Variants in RNF220 observed in about 807,000 individuals in gnomAD.
The protein encoded by RNF220 is ring finger protein 220, also known as E3 ubiquitin-protein ligase RNF220.
In RNF220, 7 loss-of-function variants were observed where a neutral mutation model predicts 67.1. That is an observed-to-expected ratio of 0.10 (90% CI 0.06 to 0.20). RNF220 has a LOEUF of 0.20. Among genes scored for constraint, RNF220 ranks in the 10% least tolerant of loss-of-function variants. RNF220 has a pLI of 1.00. For synonymous variants in RNF220, 270 were observed against 283.2 expected, an observed-to-expected ratio of 0.95 and a Z score of 0.47; for missense variants, 565 against 740.3, an observed-to-expected ratio of 0.76 and a Z score of 2.75.
intron 2 of RNF220, among the ~76,000 whole-genome samples, chr1:44,588,389 G>A (rs1665862123): frequency 1.3e-5 from 2 of 152,226 alleles, no homozygotes; most frequent in South Asian, 4.1e-4. Context: ...CTGCTCTTCA[G>A]GCCTTTCCCT....
chr1:44,534,096 A>T (rs1661027773), intron 2 of RNF220, among the ~76,000 whole-genome samples: 1 of 152,116 alleles, frequency 6.6e-6, no homozygotes, highest in African/African-American at 2.4e-5. Flanking sequence ...TGCCTTAGCC[A>T]ACTGAGTAGC....
chr1:44,492,820 C>G (rs1656969878), intron 2 of RNF220, among the ~76,000 whole-genome samples: 1 of 152,036 alleles, frequency 6.6e-6, no homozygotes, highest in South Asian at 2.1e-4. Context: ...GATGAAAATG[C>G]TCTAAAAGCC....
chr1:44,596,560 C>CA (rs112026468), intron 2 of RNF220, among the ~76,000 whole-genome samples: 5,392 of 132,022 alleles, frequency 0.041, 317 homozygotes, highest in African/African-American at 0.14. Flanking sequence ...ATTCTGTCTC[C>CA]AAAAAAAAAA....
chr1:44,579,363 T>C (rs1665070003), intron 2 of RNF220, among the ~76,000 whole-genome samples: 1 of 152,088 alleles, frequency 6.6e-6, no homozygotes, highest in Non-Finnish European at 1.5e-5. Flanking sequence ...CAGGGAGGCT[T>C]GATGGAAATC....
chr1:44,507,314 G>A lies in RNF220; in HGVS notation c.625+94592G>A, dbSNP rs556012574. On this transcript the variant is annotated intron_variant, in intron 2 of 14. Transcript: ENST00000361799. ...CAAAGTCCAAGCAAGTTGATATCCA[G>A]TGGCTTTAAGCTACAGGAGGCTGAG... Among the ~76,000 whole-genome samples, 4 of 152,252 alleles carry A rather than the reference G, an allele frequency of 2.6e-5. No homozygotes were observed. The South Asian group carries it at 6.2e-4, about 24-fold the overall frequency.
chr1:44,650,911 C>T lies in RNF220; in HGVS notation c.*136C>T, dbSNP rs544062741. ...ACATGCACATACTCAAACATGCGTA[C>T]ACACACACACATTTACACACGCAGG... On this transcript the variant is annotated 3_prime_UTR_variant, in exon 15 of 15. Coordinates refer to ENST00000361799, the MANE Select transcript of RNF220 (RefSeq NM_018150.4). This position sits in a 1 kb window ranked among gnomAD's most constrained non-coding sequence, Gnocchi z 4.3. 4.4e-6 allele frequency: 3 copies of T among 684,960 alleles called. No individual in the cohort carries two copies. The highest frequency in any genetic ancestry group is 1.6e-5 in the South Asian group (1 of 63,052). The allele number at this position is 684,960 out of a possible 1,614,324, so 42.4% of individuals were successfully genotyped here. A position where few individuals can be genotyped will look rare whatever the true frequency, so the allele number is the denominator to read the frequency against.
intron 2 of RNF220, among the ~76,000 whole-genome samples, chr1:44,572,056 G>C (rs1664481391): frequency 6.6e-6 from 1 of 152,218 alleles, no homozygotes; most frequent in South Asian, 2.1e-4. Flanking sequence ...TGGTCTCCCT[G>C]CCTCCGGTCC....
chr1:44,485,066 G>A (rs1348163147), intron 2 of RNF220, among the ~76,000 whole-genome samples: 1 of 152,194 alleles, frequency 6.6e-6, no homozygotes, highest in African/African-American at 2.4e-5. Context: ...AACCCGGGAG[G>A]CGGAGGTTAC....
chr1:44,457,530 T>C (rs540310679), intron 2 of RNF220, among the ~76,000 whole-genome samples: 1 of 150,570 alleles, frequency 6.6e-6, no homozygotes, highest in South Asian at 2.1e-4. Flanking sequence ...AATAAGATGG[T>C]AAAGGTAGGC....
chr1:44,513,465 A>G (rs1191553726), intron 2 of RNF220, among the ~76,000 whole-genome samples: 2 of 148,862 alleles, frequency 1.3e-5, no homozygotes, highest in Non-Finnish European at 3.0e-5. Flanking sequence ...CAGGGGCCAA[A>G]TAAAGGCCCT....
chr1:44,636,995 T>C (rs866820151), intron 8 of RNF220, among the ~76,000 whole-genome samples: 1 of 152,258 alleles, frequency 6.6e-6, no homozygotes, highest in East Asian at 1.9e-4. Flanking sequence ...CTTCTCTCTT[T>C]CTGTGCACAA....
intron 2 of RNF220, among the ~76,000 whole-genome samples, chr1:44,422,442 T>C (rs970513858): frequency 6.6e-6 from 1 of 152,220 alleles, no homozygotes; most frequent in African/African-American, 2.4e-5. Context: ...CAAGGCTGAT[T>C]TACGGGGAAA....
intron 6 of RNF220, chr1:44,632,633 A>G (rs1644195775): frequency 8.6e-6 from 5 of 583,948 alleles, no homozygotes; most frequent in South Asian, 4.1e-5. Context: ...TGGGGGGGCA[A>G]TAAGTGCCGG....
chr1:44,461,924 GT>G (rs201661366), intron 2 of RNF220, among the ~76,000 whole-genome samples: 198 of 123,550 alleles, frequency 1.6e-3, no homozygotes, highest in Admixed American at 2.2e-3. Flanking sequence ...TTTTTTCTTT[GT>G]TTTTTTTTTT....
intron 2 of RNF220, among the ~76,000 whole-genome samples, chr1:44,543,125 A>G (rs1322908947): frequency 6.6e-6 from 1 of 151,340 alleles, no homozygotes; most frequent in Non-Finnish European, 1.5e-5. Context: ...CAGCCTCAGC[A>G]CAGTGAGCTT....
intron 2 of RNF220, among the ~76,000 whole-genome samples, chr1:44,558,391 A>C (rs2148281374): frequency 7.2e-6 from 1 of 138,480 alleles, no homozygotes; most frequent in South Asian, 2.5e-4. Flanking sequence ...AATCTTTTCC[A>C]CTGCTCCCTG....
chr1:44,422,444 A>T lies in RNF220; in HGVS notation c.625+9722A>T, dbSNP rs1437761720. On this transcript the variant is annotated intron_variant, in intron 2 of 14. Transcript: ENST00000361799. Reference sequence around the variant, plus strand: ...ACTGAGCAGCAGTCAAGGCTGATTTACGGGGAAAAGAACCCAGACATGGGT... The same window carrying T: ...ACTGAGCAGCAGTCAAGGCTGATTTTCGGGGAAAAGAACCCAGACATGGGT... Among the ~76,000 whole-genome samples, 3 of 152,370 alleles carry T rather than the reference A, an allele frequency of 2.0e-5. No homozygotes were observed. The East Asian group carries it at 5.8e-4, about 29-fold the overall frequency.
intron 2 of RNF220, among the ~76,000 whole-genome samples, chr1:44,418,174 T>A (rs1441791846): frequency 6.6e-6 from 1 of 151,912 alleles, no homozygotes; most frequent in African/African-American, 2.4e-5. Flanking sequence ...CGGGAGGCGC[T>A]AGTGGGTGCA....
intron 6 of RNF220, among the ~76,000 whole-genome samples, chr1:44,634,793 C>G (rs1308158861): frequency 6.6e-6 from 1 of 152,232 alleles, no homozygotes; most frequent in Non-Finnish European, 1.5e-5. Context: ...ACTGAGCCCC[C>G]TGTGGGACAA....
Sources: gnomAD v4.1 joint callset for allele counts (sites outside exome capture counted in the v4.1 genomes callset) on GRCh38, gnomAD v4.1.1 for gene constraint, Gnocchi (gnomAD v3.1) non-coding constraint, MANE v1.5 for transcripts, NCBI Gene and HGNC (gene_info 2026-07-23, HGNC 2026-07-21) for gene names.